The following SYCP2 variants were observed in gnomAD, a reference collection of about 807,000 sequenced individuals.
The protein encoded by SYCP2 is synaptonemal complex lateral element protein.
Under a neutral mutation model 211.3 loss-of-function variants are expected in SYCP2, and 55 were observed. That is an observed-to-expected ratio of 0.26 (90% CI 0.21 to 0.33). SYCP2 has a LOEUF of 0.33. SYCP2 is among the 10% of genes least tolerant of loss of function. The pLI is 1.00. For synonymous variants in SYCP2, 570 were observed against 555.2 expected, an observed-to-expected ratio of 1.03 and a Z score of -0.37; for missense variants, 1,731 against 1,752.0, an observed-to-expected ratio of 0.99 and a Z score of 0.21.
chr20:59,910,899 T>C (rs1208380700), intron 14 of SYCP2, among the ~76,000 whole-genome samples: 1 of 151,942 alleles, frequency 6.6e-6, no homozygotes, highest in African/African-American at 2.4e-5. Flanking sequence ...GCAGTGCTAG[T>C]CATTGGAACT....
At chr20:59,901,303 T>G (rs941752664) in intron 16 of SYCP2, among the ~76,000 whole-genome samples, 3 of 152,114 alleles carry the variant, frequency 2.0e-5, no homozygotes, top group Non-Finnish European at 4.4e-5. Flanking sequence ...TTCTTCAATG[T>G]CTACAACTCA....
intron 35 of SYCP2, among the ~76,000 whole-genome samples, chr20:59,870,605 T>C (rs1159951257): frequency 2.0e-5 from 3 of 151,702 alleles, no homozygotes; most frequent in Non-Finnish European, 4.4e-5. Context: ...AACATCAATA[T>C]TGAAAAATGG....
At chr20:59,906,940 CATGAG>C (rs559351361) in intron 15 of SYCP2, among the ~76,000 whole-genome samples, 49 of 152,218 alleles carry the variant, frequency 3.2e-4, no homozygotes, top group Admixed American at 1.0e-3. Context: ...AAATAAAAAA[CATGAG>C]ATATTATTAC....
rs746598789 is a variant in SYCP2, at chr20:59,881,468, T to C, written c.2683A>G (p.Lys895Glu). The C allele has an allele frequency of 1.3e-6, 2 of 1,540,068 alleles. No homozygotes were observed. The highest frequency in any genetic ancestry group is 2.4e-5 in the East Asian group (1 of 41,970). The change falls in exon 29 of 45, where the codon AAA becomes GAA. Residue 895 changes from lysine to glutamate, a missense_variant. Coordinates refer to ENST00000357552, the MANE Select transcript of SYCP2 (RefSeq NM_014258.4). ...LGIQEFQATA[K>E]EACADRSIRL... is the part of the protein sequence containing the mutation. ...ATTGACCTATCCGCACAAGCTTCTT[T>C]AGCTGTAGCTTGAAACTCTTGGATC...
intron 38 of SYCP2, 69 bp downstream of exon 38, chr20:59,868,344 G>T: frequency 2.0e-6 from 3 of 1,502,068 alleles, no homozygotes; most frequent in Non-Finnish European, 1.8e-6. Flanking sequence ...TTTGTAAATA[G>T]ACTCATTCAA....
Position 59,865,871 on chromosome 20 carries a change from T to C in SYCP2, c.4321-6A>G. The C allele has an allele frequency of 7.7e-7, 1 of 1,303,082 alleles. No individual in the cohort carries two copies. The allele number at this position is 1,303,082 out of a possible 1,614,324, so 80.7% of individuals were successfully genotyped here. ...AATATCTTTTCCCAAAAGTCCTAAA[T>C]TAATTAATAAAATTTTATTTAGTCC... On this transcript the variant is annotated splice_polypyrimidine_tract_variant and splice_region_variant and intron_variant, in intron 41 of 44. Coordinates refer to ENST00000357552, the MANE Select transcript of SYCP2 (RefSeq NM_014258.4).
chr20:59,864,757 T>C (rs1450386290), intron 44 of SYCP2, among the ~76,000 whole-genome samples: 1 of 152,080 alleles, frequency 6.6e-6, no homozygotes, highest in East Asian at 1.9e-4. Flanking sequence ...ATCTTGATCC[T>C]GTACTATGTC....
At chr20:59,876,244 G>A (rs1041505274) in intron 33 of SYCP2, among the ~76,000 whole-genome samples, 10 of 151,068 alleles carry the variant, frequency 6.6e-5, no homozygotes, top group Non-Finnish European at 1.0e-4. Context: ...GGTGGCGTGC[G>A]CCTGTAGTCC....
chr20:59,916,512 T>G lies in SYCP2; in HGVS notation c.487A>C (p.Arg163=). 1 of 1,609,912 alleles carries G rather than the reference T, an allele frequency of 6.2e-7. No homozygotes were observed. The highest frequency in any genetic ancestry group is 8.5e-7 in the Non-Finnish European group (1 of 1,176,348). ...PRICSLVIDS[R]VNICIQQEII... ...TCTTGCTGAATACAAATATTCACTC[T>G]TGAGTCAATAACCAGGGAACAAATG... Residue 163 remains arginine (R), a synonymous_variant, in exon 8 of 45, where the codon AGA becomes CGA. Transcript: ENST00000357552.
chr20:59,880,242 T>A (rs1015453848), intron 31 of SYCP2, 61 bp downstream of exon 31: 3 of 1,345,972 alleles, frequency 2.2e-6, no homozygotes, highest in Admixed American at 4.2e-5. Context: ...TAAAGCATTT[T>A]CAATAATTGA....
At position 59,882,169 on chromosome 20, in the gene SYCP2, A is replaced by G; in HGVS notation, c.2530-4T>C. 6.2e-7 allele frequency: 1 copy of G among 1,605,414 alleles called. No homozygotes were observed. The highest frequency in any genetic ancestry group is 2.2e-5 in the East Asian group (1 of 44,642). Reference sequence around the variant, plus strand: ...AGCTTTTTTTCTGAACTTTTTCCTGAAAAGAGGGTTATAAAAAAATCATTA... The same window carrying G: ...AGCTTTTTTTCTGAACTTTTTCCTGGAAAGAGGGTTATAAAAAAATCATTA... On this transcript the variant is annotated splice_polypyrimidine_tract_variant and splice_region_variant and intron_variant, in intron 26 of 44. Transcript: ENST00000357552.
chr20:59,900,809 T>G lies in SYCP2; in HGVS notation c.1192A>C (p.Arg398=). The G allele has an allele frequency of 6.2e-7, 1 of 1,610,348 alleles. No individual in the cohort carries two copies. Among genetic ancestry groups the G allele is most frequent in the South Asian group, 1.1e-5 (1 of 90,898 alleles). The change falls in exon 17 of 45, where the codon AGA becomes CGA. Residue 398 remains arginine, a synonymous_variant. Coordinates refer to ENST00000357552, the MANE Select transcript of SYCP2 (RefSeq NM_014258.4). ...FGATKHRESI[R]KQGISVAKTS... ...TTGGCAACTGAAATACCTTGTTTTCTGATAGATTCCTAAAATTAAATCAAT... is the reference window on the plus strand; with the variant it reads ...TTGGCAACTGAAATACCTTGTTTTCGGATAGATTCCTAAAATTAAATCAAT...
Position 59,900,240 on chromosome 20 carries a change from G to C in SYCP2, c.1302C>G (p.Leu434=). Residue 434 remains leucine, a synonymous_variant, in exon 18 of 45, where the codon CTC becomes CTG. Transcript: ENST00000357552. ...ACTTTGATTTTTCCTTTAAACTAAC[G>C]AGCTCTTCTCCGACTGGTGAGATTT... The part of the protein sequence containing the change: ...ESQISPVGEE[L]VSLKEKSKSP... 6.2e-7 allele frequency: 1 copy of C among 1,612,166 alleles called. No individual in the cohort carries two copies. Among genetic ancestry groups the C allele is most frequent in the East Asian group, 2.2e-5 (1 of 44,768 alleles).
intron 19 of SYCP2, 71 bp from the exon 20 acceptor site, chr20:59,895,668 T>C (rs2059994758): frequency 1.3e-6 from 2 of 1,547,726 alleles, no homozygotes. Context: ...ACTTTTCCAA[T>C]GAGAAAGGTA....
In SYCP2 at chr20:59,882,146, C is replaced by T. The variant is rs774846368; in HGVS notation, c.2549G>A (p.Ser850Asn). The T allele has an allele frequency of 2.3e-5, 37 of 1,612,080 alleles. No homozygotes were observed. In the Admixed American group the frequency reaches 5.5e-4, roughly 24 times the overall value. The change falls in exon 27 of 45, where the codon AGC becomes AAC. Residue 850 changes from serine (S) to asparagine (N), a missense_variant. Ser to Asn is a conservative substitution (Grantham distance 46, BLOSUM62 1). Transcript: ENST00000357552. ...QLSKEKVQKKSYRKLKTTFVN... is the reference protein window; with the variant it reads ...QLSKEKVQKKNYRKLKTTFVN... ...AAAGGTAGTCTTCAGTTTTCTGTAG[C>T]TTTTTTTCTGAACTTTTTCCTGAAA...
intron 26 of SYCP2, among the ~76,000 whole-genome samples, chr20:59,882,778 G>A (rs540366413): frequency 6.6e-6 from 1 of 152,024 alleles, no homozygotes. Flanking sequence ...AGGCCAGGAA[G>A]AGTAGGAAGG....
chr20:59,879,917 A>G (rs1222542991), intron 31 of SYCP2, among the ~76,000 whole-genome samples: 1 of 147,638 alleles, frequency 6.8e-6, no homozygotes, highest in East Asian at 2.0e-4. Flanking sequence ...CACACACACA[A>G]ATGTAAATAC....
chr20:59,895,685 G>A (rs1300294431), intron 19 of SYCP2, 88 bp from the exon 20 acceptor site: 17 of 1,444,844 alleles, frequency 1.2e-5, no homozygotes, highest in South Asian at 9.7e-5. Context: ...GGTAAGAAAC[G>A]AACATTCTTA....
chr20:59,907,534 T>TA, intron 14 of SYCP2, 110 bp from the exon 15 acceptor site: 1 of 793,504 alleles, frequency 1.3e-6, no homozygotes, highest in South Asian at 1.7e-5. Flanking sequence ...TGCTAGTCAC[T>TA]AAGTAACTAG....
Sources: allele counts gnomAD v4.1 joint callset (sites outside exome capture counted in the v4.1 genomes callset), GRCh38; gene constraint gnomAD v4.1.1; transcripts MANE v1.5; gene names NCBI Gene and HGNC (gene_info 2026-07-23, HGNC 2026-07-21).